Variants in SCIN observed in about 807,000 individuals in gnomAD.
The protein encoded by SCIN is adseverin.
In SCIN, 91 loss-of-function variants were observed where a neutral mutation model predicts 91.8. That is an observed-to-expected ratio of 0.99 (90% CI 0.84 to 1.18). The LOEUF (loss-of-function observed/expected upper bound fraction) is 1.18. Ranked by LOEUF, SCIN falls within the 50% of genes most tolerant of loss-of-function variation. SCIN has a pLI of 0.00. For missense variants in SCIN, 1,087 were observed against 863.9 expected (o/e 1.26, Z -3.24); for synonymous variants, 367 against 312.6 (o/e 1.17, Z -1.84).
chr7:12,596,914 T>C (rs941634931), intron 3 of SCIN, among the ~76,000 whole-genome samples: 2 of 152,206 alleles, frequency 1.3e-5, no homozygotes, highest in African/African-American at 4.8e-5. Flanking sequence ...TTAGACCTTC[T>C]AAATATTTAT....
chr7:12,609,461 C>T (rs547754879), intron 4 of SCIN, among the ~76,000 whole-genome samples: 17 of 151,928 alleles, frequency 1.1e-4, no homozygotes, highest in African/African-American at 4.1e-4. Flanking sequence ...CCTAAGGTCC[C>T]AAACTTTATT....
rs960630429 is a variant in SCIN at position 12,657,081 on chromosome 7, C to G, written c.*4366C>G. 6.6e-6 allele frequency: 1 copy of G among 151,658 alleles called. No individual in the cohort carries two copies. The highest frequency in any genetic ancestry group is 1.5e-5 in the Non-Finnish European group (1 of 67,970). The allele number at this position is 151,658 out of a possible 1,614,324, so 9.4% of individuals were successfully genotyped here. ...ACTACTTGGGAAGTATAAATTGATA[C>G]AATGGGTTTGAACAGTTTTTGTATT... On this transcript the variant is annotated 3_prime_UTR_variant, in exon 16 of 16. Transcript: ENST00000297029.
intron 3 of SCIN, among the ~76,000 whole-genome samples, chr7:12,601,162 TTTATTC>T (rs1782949998): frequency 6.6e-6 from 1 of 152,196 alleles, no homozygotes; most frequent in Non-Finnish European, 1.5e-5. Flanking sequence ...AAATGTGTAT[TTTATTC>T]TTAAAGAGGA....
At chr7:12,604,744 C>T (rs1783037664) in intron 4 of SCIN, 81 bp downstream of exon 4, 5 of 904,918 alleles carry the variant, frequency 5.5e-6, no homozygotes, top group African/African-American at 1.7e-5. Flanking sequence ...GTGTGTAAGG[C>T]AGCAGGGTGG....
intron 1 of SCIN, chr7:12,577,663 G>A (rs1259691237): frequency 1.1e-5 from 5 of 444,444 alleles, no homozygotes; most frequent in African/African-American, 2.0e-5. Flanking sequence ...ACCAGCCTGG[G>A]CAACATATGG....
intron 4 of SCIN, among the ~76,000 whole-genome samples, chr7:12,611,369 T>A (rs1051538037): frequency 6.6e-6 from 1 of 152,210 alleles, no homozygotes; most frequent in East Asian, 1.9e-4. Context: ...AGTAAAAGAT[T>A]ACCAAATCAA....
intron 9 of SCIN, among the ~76,000 whole-genome samples, chr7:12,634,059 C>A (rs555071934): frequency 2.7e-4 from 41 of 151,958 alleles, no homozygotes; most frequent in African/African-American, 9.7e-4. Context: ...AGATACACAC[C>A]CTGTTCCCAG....
chr7:12,581,214 T>C lies in SCIN; in HGVS notation c.509T>C (p.Leu170Pro). The C allele has an allele frequency of 6.4e-7, 1 of 1,551,256 alleles. No homozygotes were observed. The highest frequency in any genetic ancestry group is 8.7e-7 in the Non-Finnish European group (1 of 1,146,678). ...AAGGGTGACTGCTTCATCATTGACC[T>C]TGGCACCGTAAGTTTCATATATACA... ...FNKGDCFIID[L>P]GTEIYQWCGS... Residue 170 changes from leucine (L) to proline (P), a missense_variant, in exon 3 of 16, where the codon CTT (leucine) becomes CCT (proline). Transcript: ENST00000297029.
intron 2 of SCIN, among the ~76,000 whole-genome samples, chr7:12,579,627 T>A (rs1364602827): frequency 6.6e-6 from 1 of 152,172 alleles, no homozygotes. Flanking sequence ...AATAATAAAG[T>A]AACTGTAGTC....
chr7:12,596,069 G>A (rs1782834219), intron 3 of SCIN, among the ~76,000 whole-genome samples: 1 of 152,146 alleles, frequency 6.6e-6, no homozygotes, highest in East Asian at 1.9e-4. Context: ...ACGTATGCTT[G>A]GAAGAGACCC....
chr7:12,650,435 C>T (rs906759174), intron 14 of SCIN, among the ~76,000 whole-genome samples: 3 of 152,198 alleles, frequency 2.0e-5, no homozygotes, highest in African/African-American at 4.8e-5. Flanking sequence ...GCAGTCAACT[C>T]CTGTTTCTGT....
intron 15 of SCIN, 146 bp downstream of exon 15, chr7:12,652,047 T>C: frequency 1.7e-6 from 1 of 583,894 alleles, no homozygotes; most frequent in Admixed American, 3.3e-5. Context: ...TAAAGAGTAA[T>C]GGGATTTTTT....
intron 2 of SCIN, among the ~76,000 whole-genome samples, 189 bp from the exon 3 acceptor site, chr7:12,580,871 C>A (rs1782473496): frequency 6.6e-6 from 1 of 152,190 alleles, no homozygotes; most frequent in Non-Finnish European, 1.5e-5. Flanking sequence ...AGAGACCAAA[C>A]AAACACAATC....
chr7:12,581,230 C>T lies in SCIN; in HGVS notation c.516+9C>T. 1 of 1,550,002 alleles carries T rather than the reference C, an allele frequency of 6.5e-7. No homozygotes were observed. Among genetic ancestry groups the T allele is most frequent in the Non-Finnish European group, 8.7e-7 (1 of 1,145,900 alleles). Reference sequence around the variant, plus strand: ...TCATTGACCTTGGCACCGTAAGTTTCATATATACACATCGATGTCTAAAGA... The same window carrying T: ...TCATTGACCTTGGCACCGTAAGTTTTATATATACACATCGATGTCTAAAGA... On this transcript the variant is annotated intron_variant, in intron 3 of 15. Coordinates refer to ENST00000297029, the MANE Select transcript of SCIN (RefSeq NM_001112706.3).
At chr7:12,644,043 A>T (rs1783906354) in intron 11 of SCIN, 95 bp from the exon 12 acceptor site, 2 of 1,106,656 alleles carry the variant, frequency 1.8e-6, no homozygotes, top group South Asian at 3.0e-5. Flanking sequence ...GCAGAAGGCG[A>T]TGTATGGTTT....
At chr7:12,617,545 T>A (rs1412758556) in intron 4 of SCIN, among the ~76,000 whole-genome samples, 1 of 152,142 alleles carries the variant, frequency 6.6e-6, no homozygotes, top group Non-Finnish European at 1.5e-5. Flanking sequence ...GCAAATGACC[T>A]GAAATCTTAA....
rs924969426 is a variant in SCIN, at chr7:12,657,704, G to A, written c.*4989G>A. On this transcript the variant is annotated 3_prime_UTR_variant, in exon 16 of 16. Transcript: ENST00000297029. Reference sequence around the variant, plus strand: ...TTTCCCTTGGGCCTTTGCAGCCTGTGTTGTTTTTCTCTTTTTCATATTGAT... The same window carrying A: ...TTTCCCTTGGGCCTTTGCAGCCTGTATTGTTTTTCTCTTTTTCATATTGAT... The A allele has an allele frequency of 6.7e-6, 1 of 148,206 alleles. No individual in the cohort carries two copies. Among genetic ancestry groups the A allele is most frequent in the African/African-American group, 2.5e-5 (1 of 40,552 alleles). The allele number at this position is 148,206 out of a possible 1,614,324, so 9.2% of individuals were successfully genotyped here.
chr7:12,631,801 G>T (rs904365595), intron 9 of SCIN, among the ~76,000 whole-genome samples: 2 of 152,104 alleles, frequency 1.3e-5, no homozygotes, highest in African/African-American at 2.4e-5. Context: ...AACAGAAAAT[G>T]AACTAAGACA....
chr7:12,648,162 A>C (rs149633283), intron 13 of SCIN, among the ~76,000 whole-genome samples: 195 of 152,264 alleles, frequency 1.3e-3, no homozygotes, highest in African/African-American at 4.4e-3. Context: ...AATGCTAACT[A>C]TAATTTAACA....
Sources: allele counts gnomAD v4.1 joint callset (sites outside exome capture counted in the v4.1 genomes callset), GRCh38; gene constraint gnomAD v4.1.1; transcripts MANE v1.5; gene names NCBI Gene and HGNC (gene_info 2026-07-23, HGNC 2026-07-21).